PHKG1: variants seen among roughly 807,000 people sequenced by gnomAD.
The protein encoded by PHKG1 is phosphorylase kinase catalytic subunit gamma 1, also known as phosphorylase b kinase gamma catalytic chain, skeletal muscle/heart isoform.
Under a neutral mutation model 50.5 loss-of-function variants are expected in PHKG1, and 48 were observed. The ratio of observed to expected loss-of-function variants is 0.95; its 90% CI spans 0.75 to 1.21. The LOEUF is 1.21. PHKG1 is among the 50% of genes most tolerant of loss of function. The pLI is 0.00. For missense variants in PHKG1, 487 were observed against 519.5 expected (o/e 0.94, Z 0.61); for synonymous variants, 204 against 212.8 (o/e 0.96, Z 0.36).
Position 56,081,604 on chromosome 7 carries a change from C to A in PHKG1, c.918+26G>T. 1 of 1,610,020 alleles carries A rather than the reference C, an allele frequency of 6.2e-7. No homozygotes were observed. The highest frequency in any genetic ancestry group is 8.5e-7 in the Non-Finnish European group (1 of 1,177,842). ...TAGAGGTTTGCACTTAGGGAGCTGG[C>A]GGGCCTGGATCAGGACGCTTAGTAC... On this transcript the variant is annotated intron_variant, in intron 9 of 9. Transcript: ENST00000297373. The surrounding 1 kb of genome is among the most constrained non-coding windows in gnomAD (Gnocchi z 4.6).
intron 6 of PHKG1, among the ~76,000 whole-genome samples, chr7:56,082,836 G>A (rs543397878): frequency 1.3e-5 from 2 of 152,124 alleles, no homozygotes; most frequent in African/African-American, 4.8e-5. Flanking sequence ...TGCTGGGCAT[G>A]GTGGCTCACG....
rs771373701 is a variant in PHKG1, at chr7:56,088,915, G to A, written c.27C>T (p.Asp9=). The A allele has an allele frequency of 2.5e-6, 4 of 1,613,670 alleles. No homozygotes were observed. The highest frequency in any genetic ancestry group is 1.1e-5 in the South Asian group (1 of 91,066). Residue 9 remains aspartate (D), a synonymous_variant, in exon 2 of 10, where the codon GAC becomes GAT. Coordinates refer to ENST00000297373, the MANE Select transcript of PHKG1 (RefSeq NM_006213.5). ...CATAGAAGTCCTGTGCAGAATGAGAGTCCGGCAGTGCCTCGTCCCGGGTCA... is the reference window on the plus strand; with the variant it reads ...CATAGAAGTCCTGTGCAGAATGAGAATCCGGCAGTGCCTCGTCCCGGGTCA... MTRDEALP[D]SHSAQDFYEN... is the part of the protein sequence containing the mutation.
Position 56,084,325 on chromosome 7 carries a change from T to C in PHKG1, c.318-610A>G. On this transcript the variant is annotated intron_variant, in intron 4 of 9. Coordinates refer to ENST00000297373, the MANE Select transcript of PHKG1 (RefSeq NM_006213.5). ...GCTGAAAGAGGGGACTATGAACCAC[T>C]GGCCCAGGACCCCAGACCCAGATCA... 5.2e-6 allele frequency: 4 copies of C among 774,686 alleles called. No homozygotes were observed. The South Asian group carries it at 6.2e-5, about 12-fold the overall frequency. The allele number at this position is 774,686 out of a possible 1,614,324, so 48.0% of individuals were successfully genotyped here. A position where few individuals can be genotyped will look rare whatever the true frequency, so the allele number is the denominator to read the frequency against.
intron 4 of PHKG1, chr7:56,084,016 A>C (rs1429491349): frequency 1.6e-6 from 1 of 625,384 alleles, no homozygotes; most frequent in South Asian, 1.9e-5. Context: ...AATTTTTCCC[A>C]CCATTTCATG....
chr7:56,088,987 A>G lies in PHKG1; in HGVS notation c.-34-12T>C. 7.4e-7 allele frequency: 1 copy of G among 1,359,186 alleles called. No individual in the cohort carries two copies. The highest frequency in any genetic ancestry group is 1.1e-6 in the Non-Finnish European group (1 of 951,780). The allele number at this position is 1,359,186 out of a possible 1,614,324, so 84.2% of individuals were successfully genotyped here. ...AACTCTGGGTGGCTCTGAGAGGGGAAAAGAAAGAAGCTGTCAGCCTTCCTG... is the reference window on the plus strand; with the variant it reads ...AACTCTGGGTGGCTCTGAGAGGGGAGAAGAAAGAAGCTGTCAGCCTTCCTG... On this transcript the variant is annotated splice_polypyrimidine_tract_variant and intron_variant, in intron 1 of 9. Coordinates refer to ENST00000297373, the MANE Select transcript of PHKG1 (RefSeq NM_006213.5).
In PHKG1 at chr7:56,081,308, C is replaced by T; in HGVS notation, c.919-9G>A. The T allele has an allele frequency of 6.2e-7, 1 of 1,601,716 alleles. No homozygotes were observed. The highest frequency in any genetic ancestry group is 8.5e-7 in the Non-Finnish European group (1 of 1,177,744). Reference sequence around the variant, plus strand: ...ACGGTCAGAGCGATCACCTGCAGGGCCAGGCGGAGAAGCTGGGCTGCAGCC... The same window carrying T: ...ACGGTCAGAGCGATCACCTGCAGGGTCAGGCGGAGAAGCTGGGCTGCAGCC... On this transcript the variant is annotated splice_polypyrimidine_tract_variant and intron_variant, in intron 9 of 9. Coordinates refer to ENST00000297373, the MANE Select transcript of PHKG1 (RefSeq NM_006213.5). This position sits in a 1 kb window ranked among gnomAD's most constrained non-coding sequence, Gnocchi z 4.6.
rs79373840 is a variant in PHKG1, at chr7:56,080,962, C to T, written c.*92G>A. 6.9e-7 allele frequency: 1 copy of T among 1,449,380 alleles called. No homozygotes were observed. The highest frequency in any genetic ancestry group is 1.3e-5 in the South Asian group (1 of 78,292). The allele number at this position is 1,449,380 out of a possible 1,614,324, so 89.8% of individuals were successfully genotyped here. Reference sequence around the variant, plus strand: ...TGGCCAGGGCCAAGTGCTCCTTCTGCAGAGGCCTGCACGCATCTCACCCCT... The same window carrying T: ...TGGCCAGGGCCAAGTGCTCCTTCTGTAGAGGCCTGCACGCATCTCACCCCT... On this transcript the variant is annotated 3_prime_UTR_variant, in exon 10 of 10. Coordinates refer to ENST00000297373, the MANE Select transcript of PHKG1 (RefSeq NM_006213.5).
Position 56,082,019 on chromosome 7 carries a change from CGTGT to C in PHKG1, c.662_665del (p.Tyr221CysfsTer16). Reference sequence around the variant, plus strand: ...AGAAGGGCGGGGAGCCGGCCAGCAGCGTGTACATGATGACGCCAGTGCTCCACCT... The same window carrying C: ...AGAAGGGCGGGGAGCCGGCCAGCAGCACATGATGACGCCAGTGCTCCACCT... On this transcript the variant is annotated frameshift_variant, in exon 8 of 10. Coordinates refer to ENST00000297373, the MANE Select transcript of PHKG1 (RefSeq NM_006213.5). LOFTEE classifies it high-confidence loss of function. 6.2e-7 allele frequency: 1 copy of C among 1,613,824 alleles called. No homozygotes were observed.
chr7:56,084,755 G>A (rs910704113), intron 4 of PHKG1, among the ~76,000 whole-genome samples: 3 of 151,706 alleles, frequency 2.0e-5, no homozygotes, highest in African/African-American at 7.3e-5. Flanking sequence ...CCAATTACAG[G>A]ATTAAGAATT....
intron 3 of PHKG1, among the ~76,000 whole-genome samples, 170 bp from the exon 4 acceptor site, chr7:56,087,194 T>TTTATTATTATTATTATTA (rs56665611): frequency 2.2e-5 from 3 of 136,086 alleles, no homozygotes; most frequent in Non-Finnish European, 4.7e-5. Flanking sequence ...GCCCAGGGAC[T>TTTATTATTATTATTATTA]TTATTATTAT....
intron 2 of PHKG1, 49 bp downstream of exon 2, chr7:56,088,810 G>T: frequency 7.7e-7 from 1 of 1,306,104 alleles, no homozygotes; most frequent in Non-Finnish European, 1.1e-6. Context: ...AGCCCACAGG[G>T]TCTGCTGGAG....
intron 2 of PHKG1, chr7:56,088,568 G>A (rs1796366652): frequency 3.5e-6 from 1 of 282,662 alleles, no homozygotes; most frequent in Non-Finnish European, 6.6e-6. Context: ...TGTTGCCCAG[G>A]CTGATCTTGA....
In PHKG1 at chr7:56,082,212, C is replaced by T. The variant is rs372681025; in HGVS notation, c.589G>A (p.Glu197Lys). The change falls in exon 7 of 10, where the codon GAG becomes AAG. Residue 197 changes from glutamate (E) to lysine (K), a missense_variant. By Grantham distance (56) the Glu-to-Lys change is moderately conservative (BLOSUM62 1). Coordinates refer to ENST00000297373, the MANE Select transcript of PHKG1 (RefSeq NM_006213.5). Reference sequence around the variant, plus strand: ...GGGTGGTCCTCATTCATGGAGCACTCGATAATCTCAGGGGCCAGGTAACTG... The same window carrying T: ...GGGTGGTCCTCATTCATGGAGCACTTGATAATCTCAGGGGCCAGGTAACTG... ...TPSYLAPEII[E>K]CSMNEDHPGY... The T allele has an allele frequency of 6.2e-6, 10 of 1,613,686 alleles. No individual in the cohort carries two copies. The highest frequency in any genetic ancestry group is 2.2e-5 in the East Asian group (1 of 44,874).
rs1239677459 is a variant in PHKG1, at chr7:56,083,309, G to A, written c.516C>T (p.Ser172=). 2 of 1,614,026 alleles carry A rather than the reference G, an allele frequency of 1.2e-6. No homozygotes were observed. The highest frequency in any genetic ancestry group is 2.2e-5 in the South Asian group (2 of 91,076). The change falls in exon 6 of 10, where the codon TCC becomes TCT. Residue 172 remains serine, a synonymous_variant. Coordinates refer to ENST00000297373, the MANE Select transcript of PHKG1 (RefSeq NM_006213.5). Reference sequence around the variant, plus strand: ...GCCTCTCTCCCGGCTCCAGCTGGCAGGAAAAGCCAAAGTCTGTGAGCTTGA... The same window carrying A: ...GCCTCTCTCCCGGCTCCAGCTGGCAAGAAAAGCCAAAGTCTGTGAGCTTGA... ...MNIKLTDFGF[S]CQLEPGERLR...
chr7:56,084,444 G>T lies in PHKG1; in HGVS notation c.318-729C>A, dbSNP rs1289400442. ...GCTGGAGTGCAATGATGCAATCTCG[G>T]CTCACTGCAACCTCTGCCTCCCAGG... On this transcript the variant is annotated intron_variant, in intron 4 of 9. Transcript: ENST00000297373. Among the ~76,000 whole-genome samples, 4 of 150,382 alleles carry T rather than the reference G, an allele frequency of 2.7e-5. No homozygotes were observed. In the Admixed American group the frequency reaches 2.7e-4, roughly 10 times the overall value.
chr7:56,088,188 C>A (rs1584630680), intron 2 of PHKG1, among the ~76,000 whole-genome samples: 1 of 151,890 alleles, frequency 6.6e-6, no homozygotes, highest in Non-Finnish European at 1.5e-5. Context: ...GTACCTGCCA[C>A]CACACAGAGC....
Position 56,081,199 on chromosome 7 carries a change from A to G in PHKG1, c.1019T>C (p.Leu340Pro). ...REIVIRDPYA[L>P]RPLRRLIDAY... is the part of the protein sequence containing the mutation. Reference sequence around the variant, plus strand: ...GTCGATGAGCCGGCGCAGAGGCCGGAGGGCATAGGGGTCTCGGATGACGAT... The same window carrying G: ...GTCGATGAGCCGGCGCAGAGGCCGGGGGGCATAGGGGTCTCGGATGACGAT... The change falls in exon 10 of 10, where the codon CTC (leucine) becomes CCC (proline). Residue 340 changes from leucine (L) to proline (P), a missense_variant. By Grantham distance (98) the Leu-to-Pro change is moderately conservative. Coordinates refer to ENST00000297373, the MANE Select transcript of PHKG1 (RefSeq NM_006213.5). The surrounding 1 kb of genome is among the most constrained non-coding windows in gnomAD (Gnocchi z 4.6). 1 of 1,613,902 alleles carries G rather than the reference A, an allele frequency of 6.2e-7. No individual in the cohort carries two copies. Among genetic ancestry groups the G allele is most frequent in the Non-Finnish European group, 8.5e-7 (1 of 1,179,952 alleles).
intron 4 of PHKG1, chr7:56,084,073 C>A: frequency 1.2e-6 from 1 of 800,098 alleles, no homozygotes; most frequent in South Asian, 1.6e-5. Flanking sequence ...TTCCCATTAC[C>A]CTAGTTCCAG....
rs771556980 is a variant in PHKG1, at chr7:56,081,382, G to A, written c.919-83C>T. On this transcript the variant is annotated intron_variant, in intron 9 of 9. Transcript: ENST00000297373. The surrounding 1 kb of genome is among the most constrained non-coding windows in gnomAD (Gnocchi z 4.6). ...TCCAGCACAGGGACGCTCTGGGCTC[G>A]TTTGCCACGAAGCCTTGGGTGGCTT... 1.1e-5 allele frequency: 17 copies of A among 1,490,470 alleles called. No homozygotes were observed. In the East Asian group the frequency reaches 1.4e-4, roughly 13 times the overall value. The allele number at this position is 1,490,470 out of a possible 1,614,324, so 92.3% of individuals were successfully genotyped here.
Sources: allele counts gnomAD v4.1 joint callset (sites outside exome capture counted in the v4.1 genomes callset), GRCh38; gene constraint gnomAD v4.1.1; non-coding constraint Gnocchi (gnomAD v3.1); transcripts MANE v1.5; gene names NCBI Gene and HGNC (gene_info 2026-07-23, HGNC 2026-07-21).